Variants in GPC5 observed in about 807,000 individuals in gnomAD.
GPC5 encodes glypican-5.
In GPC5, 47 loss-of-function variants were observed where a neutral mutation model predicts 53.9. That is an observed-to-expected ratio of 0.87 (90% CI 0.69 to 1.11). The LOEUF (loss-of-function observed/expected upper bound fraction) is 1.11. Among genes scored for constraint, GPC5 ranks in the 50% most tolerant of loss-of-function variants. GPC5 has a pLI of 0.00. For synonymous variants in GPC5, 286 were observed against 263.3 expected (o/e 1.09, Z -0.84); for missense variants, 748 against 713.1 (o/e 1.05, Z -0.56).
At chr13:92,839,400 A>G (rs1878342277) in intron 7 of GPC5, among the ~76,000 whole-genome samples, 1 of 152,128 alleles carries the variant, frequency 6.6e-6, no homozygotes, top group African/African-American at 2.4e-5. Context: ...CTCATCACGC[A>G]GGTATTAAGC....
rs901307914 is a variant in GPC5, at chr13:91,635,365, T to C, written c.326-57822T>C. Reference sequence around the variant, plus strand: ...GTGTATATTTCTCCAGATAGCTTTTTCTGCTTGTTTACACCTACTATCCTA... The same window carrying C: ...GTGTATATTTCTCCAGATAGCTTTTCCTGCTTGTTTACACCTACTATCCTA... On this transcript the variant is annotated intron_variant, in intron 2 of 7. Coordinates refer to ENST00000377067, the MANE Select transcript of GPC5 (RefSeq NM_004466.6). 2.0e-5 allele frequency among the ~76,000 whole-genome samples: 3 copies of C among 152,240 alleles called. No homozygotes were observed. In the South Asian group the frequency reaches 6.2e-4, roughly 32 times the overall value.
intron 7 of GPC5, 115 bp from the exon 8 acceptor site, chr13:92,866,167 A>G (rs539498313): frequency 7.8e-6 from 6 of 765,292 alleles, no homozygotes; most frequent in Non-Finnish European, 1.2e-5. Flanking sequence ...TTAGGTGAAC[A>G]TAGAGAATGG....
At chr13:92,498,794 G>T (rs961701032) in intron 7 of GPC5, among the ~76,000 whole-genome samples, 3 of 152,104 alleles carry the variant, frequency 2.0e-5, no homozygotes, top group Non-Finnish European at 2.9e-5. Flanking sequence ...AAATTAGGGA[G>T]ATTGGCCTGG....
At chr13:92,054,069 AAAT>A (rs1440349682) in intron 6 of GPC5, among the ~76,000 whole-genome samples, 1 of 147,804 alleles carries the variant, frequency 6.8e-6, no homozygotes, top group Non-Finnish European at 1.5e-5. Context: ...ATAAATAAAT[AAAT>A]AAGATTTCAC....
intron 7 of GPC5, among the ~76,000 whole-genome samples, chr13:92,744,342 G>T (rs1210080884): frequency 1.3e-5 from 2 of 151,976 alleles, no homozygotes; most frequent in Non-Finnish European, 2.9e-5. Flanking sequence ...TGGCATGAAG[G>T]ATGTTTATAA....
chr13:91,729,765 G>T (rs1483613014), intron 4 of GPC5, among the ~76,000 whole-genome samples: 32 of 152,020 alleles, frequency 2.1e-4, no homozygotes, highest in Non-Finnish European at 5.9e-5. Context: ...TTTGTCTAGG[G>T]TGTTTTTATA....
intron 7 of GPC5, among the ~76,000 whole-genome samples, chr13:92,638,469 G>A (rs1011858531): frequency 5.9e-5 from 9 of 152,012 alleles, no homozygotes; most frequent in Admixed American, 2.0e-4. Context: ...TCTAACACAG[G>A]ATCACCCACT....
intron 6 of GPC5, among the ~76,000 whole-genome samples, chr13:91,927,930 G>A (rs2039784322): frequency 6.6e-6 from 1 of 152,084 alleles, no homozygotes; most frequent in Non-Finnish European, 1.5e-5. Flanking sequence ...CAAGAATATG[G>A]AAGTATTTCA....
At chr13:92,243,999 G>A (rs568144619) in intron 7 of GPC5, among the ~76,000 whole-genome samples, 10 of 152,198 alleles carry the variant, frequency 6.6e-5, no homozygotes, top group Non-Finnish European at 1.5e-4. Context: ...TATTTCAAAA[G>A]GCAAAGTTAA....
chr13:92,714,647 T>C (rs1888264988), intron 7 of GPC5, among the ~76,000 whole-genome samples: 2 of 152,364 alleles, frequency 1.3e-5, no homozygotes, highest in South Asian at 4.1e-4. Flanking sequence ...GTGGCATATA[T>C]GAAAATATTT....
Position 92,275,903 on chromosome 13 carries a change from G to C in GPC5, c.1561+130914G>C, listed in dbSNP as rs115664956. Among the ~76,000 whole-genome samples the C allele has an allele frequency of 5.3e-5, 8 of 152,112 alleles. No individual in the cohort carries two copies. In the East Asian group the frequency reaches 1.5e-3, roughly 29 times the overall value. On this transcript the variant is annotated intron_variant, in intron 7 of 7. Transcript: ENST00000377067. ...GGTTGACATTTGCAATTCTTTGTTG[G>C]GGGTAATAGCCCACCATATGCAAAG...
intron 7 of GPC5, among the ~76,000 whole-genome samples, chr13:92,310,653 A>G (rs1253553260): frequency 6.6e-6 from 1 of 152,188 alleles, no homozygotes; most frequent in Non-Finnish European, 1.5e-5. Context: ...AGAAAGGGAT[A>G]GGCCTTCCCA....
chr13:92,293,439 T>C (rs2043012226), intron 7 of GPC5, among the ~76,000 whole-genome samples: 1 of 146,838 alleles, frequency 6.8e-6, no homozygotes, highest in South Asian at 2.2e-4. Flanking sequence ...TTTTTTTTTT[T>C]TTTTTTTTTT....
At chr13:92,001,750 A>C (rs2040557156) in intron 6 of GPC5, among the ~76,000 whole-genome samples, 1 of 152,344 alleles carries the variant, frequency 6.6e-6, no homozygotes, top group East Asian at 1.9e-4. Context: ...TGATGAAGGT[A>C]TACATTTTTA....
chr13:92,275,775 A>G (rs1443944076), intron 7 of GPC5, among the ~76,000 whole-genome samples: 1 of 152,128 alleles, frequency 6.6e-6, no homozygotes, highest in Non-Finnish European at 1.5e-5. Context: ...CCAAGGATAA[A>G]TAAAGCCTTT....
chr13:92,368,293 T>A (rs1008299917), intron 7 of GPC5, among the ~76,000 whole-genome samples: 3 of 149,708 alleles, frequency 2.0e-5, no homozygotes, highest in Admixed American at 2.0e-4. Flanking sequence ...CCCTAAAACC[T>A]TTTACTATCA....
At chr13:91,421,820 A>G (rs763189458) in intron 1 of GPC5, among the ~76,000 whole-genome samples, 39 of 152,202 alleles carry the variant, frequency 2.6e-4, no homozygotes, top group Admixed American at 8.5e-4. Flanking sequence ...GAAAGTATTG[A>G]CTGTATTGAT....
chr13:92,400,299 C>T (rs1875497416), intron 7 of GPC5, among the ~76,000 whole-genome samples: 1 of 152,116 alleles, frequency 6.6e-6, no homozygotes, highest in Non-Finnish European at 1.5e-5. Context: ...TAAAAAGCTC[C>T]CTTTTTGTTA....
chr13:91,762,944 T>C (rs2037445982), intron 5 of GPC5, among the ~76,000 whole-genome samples: 1 of 152,214 alleles, frequency 6.6e-6, no homozygotes, highest in South Asian at 2.1e-4. Context: ...ATACATTTTT[T>C]TTGCATTTAT....
Sources: gnomAD v4.1 joint callset for allele counts (sites outside exome capture counted in the v4.1 genomes callset) on GRCh38, gnomAD v4.1.1 for gene constraint, MANE v1.5 for transcripts, NCBI Gene and HGNC (gene_info 2026-07-23, HGNC 2026-07-21) for gene names.